The following ITGB5 variants were observed in gnomAD, a reference collection of about 807,000 sequenced individuals.
ITGB5 encodes integrin beta-5.
In ITGB5, 38 loss-of-function variants were observed where a neutral mutation model predicts 84.8. The ratio of observed to expected loss-of-function variants is 0.45; its 90% confidence interval spans 0.35 to 0.59. The LOEUF (loss-of-function observed/expected upper bound fraction) is 0.59. ITGB5 is among the 20% of genes least tolerant of loss of function. The probability of loss-of-function intolerance (pLI) is 0.01; values close to 1 mark genes in which losing one functional copy is unlikely to be tolerated. For missense variants in ITGB5, 905 were observed against 1,034.5 expected (o/e 0.87, Z 1.72); for synonymous variants, 393 against 414.4 (o/e 0.95, Z 0.63).
At position 124,769,025 on chromosome 3, in the gene ITGB5, C is replaced by T; in HGVS notation, c.2005G>A (p.Val669Met). The T allele has an allele frequency of 6.2e-7, 1 of 1,613,280 alleles. No homozygotes were observed. The highest frequency in any genetic ancestry group is 8.5e-7 in the Non-Finnish European group (1 of 1,179,694). Residue 669 changes from valine (V) to methionine (M), a missense_variant, in exon 12 of 15, where the codon GTG (valine) becomes ATG (methionine). Val to Met is a conservative substitution (Grantham distance 21). This residue lies in a region of ITGB5 where 116 missense variants were observed against 177.0 expected (regional missense o/e 0.66). Coordinates refer to ENST00000296181, the MANE Select transcript of ITGB5 (RefSeq NM_002213.5). ...SLCRDEVITWVDTIVKDDQEA... is the reference protein window; with the variant it reads ...SLCRDEVITWMDTIVKDDQEA... ...GCAGCACACTCACCGATGGTGTCCA[C>T]CCATGTGATCACCTCATCCCTGCAT...
Position 124,773,828 on chromosome 3 carries a change from G to A in ITGB5, c.1778C>T (p.Thr593Ile). 6.2e-7 allele frequency: 1 copy of A among 1,614,152 alleles called. No homozygotes were observed. The highest frequency in any genetic ancestry group is 8.5e-7 in the Non-Finnish European group (1 of 1,180,050). Residue 593 changes from threonine (T) to isoleucine (I), a missense_variant, in exon 11 of 15, where the codon ACA becomes ATA. Thr to Ile is a moderately conservative substitution (Grantham distance 89). Transcript: ENST00000296181. ...GATCTGGCCATCTCTGCCCCGGCAT[G>A]TGCTGATGTCTGTCGAGCAGTTACA... is the stretch of plus-strand genomic sequence containing the variant. ...DNCNCSTDIS[T>I]CRGRDGQICS...
rs848806 is a variant in ITGB5, at chr3:124,848,687, T to C, written c.362-129A>G. 2,651 of 1,028,332 alleles carry C rather than the reference T, an allele frequency of 2.6e-3. 49 individuals are homozygous for C. The African/African-American group carries it at 0.037, about 14-fold the overall frequency. The allele number at this position is 1,028,332 out of a possible 1,614,324, so 63.7% of individuals were successfully genotyped here. ...GTGATTGTGTGCCTCACAGAAGATT[T>C]TTCTTGGAAGTAAAGTGCCTGAAGG... On this transcript the variant is annotated intron_variant, in intron 3 of 14. Coordinates refer to ENST00000296181, the MANE Select transcript of ITGB5 (RefSeq NM_002213.5).
At chr3:124,843,707 C>A (rs868789904) in intron 4 of ITGB5, among the ~76,000 whole-genome samples, 2 of 152,162 alleles carry the variant, frequency 1.3e-5, no homozygotes, top group Non-Finnish European at 2.9e-5. Flanking sequence ...TCTGACTTAA[C>A]CCCAGAGCAG....
intron 2 of ITGB5, among the ~76,000 whole-genome samples, chr3:124,870,691 A>G (rs1321998385): frequency 2.0e-5 from 3 of 150,094 alleles, no homozygotes; most frequent in Non-Finnish European, 1.5e-5. Flanking sequence ...ATGCCACTGC[A>G]CTCCAACCTG....
intron 2 of ITGB5, among the ~76,000 whole-genome samples, chr3:124,868,910 C>T (rs527861450): frequency 3.9e-5 from 6 of 152,088 alleles, no homozygotes; most frequent in African/African-American, 7.2e-5. Context: ...GCAAGAGCAC[C>T]GTGCAGGGAG....
intron 3 of ITGB5, among the ~76,000 whole-genome samples, chr3:124,848,776 T>TTTTTA (rs2107604068): frequency 1.0e-5 from 1 of 96,966 alleles, no homozygotes; most frequent in East Asian, 3.2e-4. Context: ...AGCACTTCTT[T>TTTTTA]TTTTATTTTA....
upstream of ITGB5, chr3:124,887,696 C>T (rs1189578476): frequency 6.6e-6 from 3 of 453,288 alleles, no homozygotes; most frequent in South Asian, 4.7e-5. Flanking sequence ...CTGTATTAGG[C>T]GAGCCGAGAT....
chr3:124,827,614 C>T (rs1050082982), intron 5 of ITGB5, among the ~76,000 whole-genome samples: 3 of 152,186 alleles, frequency 2.0e-5, no homozygotes, highest in Admixed American at 1.3e-4. Context: ...GGAACCCTCA[C>T]GCCCTGCTGG....
rs552552243 is a variant in ITGB5, at chr3:124,807,941, C to CAAAA, written c.1263+1077_1263+1080dup. On this transcript the variant is annotated intron_variant, in intron 9 of 14. Transcript: ENST00000296181. The stretch of plus-strand genomic sequence containing the variant: ...TGGGCGACAGAGCGAGACTTCATCT[C>CAAAA]AAAAAAAAAAAAAAAAAAAAAAAAA... Among the ~76,000 whole-genome samples, 65 of 26,802 alleles carry CAAAA rather than the reference C, an allele frequency of 2.4e-3. 21 individuals carry two copies. Among genetic ancestry groups the CAAAA allele is most frequent in the Non-Finnish European group, 4.2e-3 (59 of 13,988 alleles). 17.6% of individuals were successfully genotyped at this position (26,802 alleles called of 152,430 possible).
intron 10 of ITGB5, among the ~76,000 whole-genome samples, chr3:124,782,527 G>C (rs1468411428): frequency 2.6e-5 from 4 of 152,238 alleles, no homozygotes; most frequent in Non-Finnish European, 5.9e-5. Flanking sequence ...GAGGGAGTCA[G>C]TGAAGGAAGG....
At chr3:124,838,250 G>C (rs2064964043) in intron 5 of ITGB5, among the ~76,000 whole-genome samples, 3 of 149,710 alleles carry the variant, frequency 2.0e-5, no homozygotes, top group Admixed American at 2.0e-4. Context: ...TGGAAATTTA[G>C]GTAAATATTA....
chr3:124,766,363 G>A lies in ITGB5; in HGVS notation c.2018-18C>T, dbSNP rs776206011. On this transcript the variant is annotated intron_variant, in intron 12 of 14. Coordinates refer to ENST00000296181, the MANE Select transcript of ITGB5 (RefSeq NM_002213.5). ...ATCTTTCACTGGAAGAAAACCAAGC[G>A]GGAATGGCCTGAGTCTCTCTGAGCA... 55 of 1,613,420 alleles carry A rather than the reference G, an allele frequency of 3.4e-5. 1 individual carries two copies. In the South Asian group the frequency reaches 3.9e-4, roughly 11 times the overall value.
chr3:124,817,348 C>T (rs184203947), intron 8 of ITGB5, among the ~76,000 whole-genome samples: 2 of 152,318 alleles, frequency 1.3e-5, no homozygotes, highest in African/African-American at 4.8e-5. Flanking sequence ...TCCCAGGCCA[C>T]CAGCCTGAGT....
chr3:124,857,834 G>A (rs1219648408), intron 3 of ITGB5, among the ~76,000 whole-genome samples: 1 of 152,058 alleles, frequency 6.6e-6, no homozygotes, highest in Non-Finnish European at 1.5e-5. Flanking sequence ...TTCCTTGTGT[G>A]TAAAATGAGA....
intron 10 of ITGB5, among the ~76,000 whole-genome samples, chr3:124,794,534 A>G (rs1418436454): frequency 6.6e-6 from 1 of 152,206 alleles, no homozygotes; most frequent in African/African-American, 2.4e-5. Flanking sequence ...TAATCCCAGC[A>G]CATTGGGAGG....
intron 1 of ITGB5, among the ~76,000 whole-genome samples, chr3:124,885,140 A>G (rs1934742531): frequency 6.6e-6 from 1 of 152,132 alleles, no homozygotes; most frequent in Non-Finnish European, 1.5e-5. Context: ...GCATGGTCGC[A>G]GCGCCTGTAA....
At chr3:124,842,620 C>T (rs545603857) in intron 4 of ITGB5, among the ~76,000 whole-genome samples, 1 of 152,268 alleles carries the variant, frequency 6.6e-6, no homozygotes, top group East Asian at 1.9e-4. Context: ...CTGGGCCAGA[C>T]TGTGCAGGGT....
chr3:124,817,005 A>G (rs2064610984), intron 8 of ITGB5, among the ~76,000 whole-genome samples: 1 of 152,202 alleles, frequency 6.6e-6, no homozygotes, highest in Non-Finnish European at 1.5e-5. Context: ...GACTGCTTCC[A>G]GGAGTTCAAG....
At chr3:124,804,488 C>T (rs895527496) in intron 9 of ITGB5, among the ~76,000 whole-genome samples, 1 of 152,080 alleles carries the variant, frequency 6.6e-6, no homozygotes, top group African/African-American at 2.4e-5. Context: ...TTAGAGGTTA[C>T]AGTCCACTAT....
Sources: gnomAD v4.1 joint callset for allele counts (sites outside exome capture counted in the v4.1 genomes callset) on GRCh38, gnomAD v4.1.1 for gene constraint, gnomAD v4.1.1 regional missense constraint, MANE v1.5 for transcripts, NCBI Gene and HGNC (gene_info 2026-07-23, HGNC 2026-07-21) for gene names.